Variants in ADGRD1 observed in about 807,000 individuals in gnomAD.
ADGRD1 encodes G-protein coupled receptor 133.
A neutral mutation model predicts 113.4 loss-of-function variants in ADGRD1; 77 were observed. That is an observed-to-expected ratio of 0.68 (90% CI 0.57 to 0.82). The LOEUF (loss-of-function observed/expected upper bound fraction) is 0.82, where lower values mean the gene tolerates loss of function less well. ADGRD1 is among the 40% of genes least tolerant of loss of function. ADGRD1 has a pLI of 0.00. For missense variants in ADGRD1, 1,036 were observed against 1,139.1 expected, an observed-to-expected ratio of 0.91 and a Z score of 1.30; for synonymous variants, 474 against 475.0, an observed-to-expected ratio of 1.00 and a Z score of 0.03.
intron 20 of ADGRD1, among the ~76,000 whole-genome samples, chr12:131,130,431 C>G (rs1229619923): frequency 1.3e-5 from 2 of 152,168 alleles, no homozygotes; most frequent in African/African-American, 4.8e-5. Flanking sequence ...GCGGCCCCAC[C>G]ACGCACCACT....
chr12:131,051,436 A>G (rs1210509813), intron 13 of ADGRD1, among the ~76,000 whole-genome samples: 1 of 151,998 alleles, frequency 6.6e-6, no homozygotes, highest in East Asian at 1.9e-4. Context: ...TCTGGAGGAG[A>G]AGATCCTTGA....
chr12:131,111,375 A>G (rs1950343884), intron 18 of ADGRD1, among the ~76,000 whole-genome samples: 1 of 151,994 alleles, frequency 6.6e-6, no homozygotes, highest in African/African-American at 2.4e-5. Context: ...TACAGGCGTG[A>G]GCCACCATGC....
At chr12:131,097,779 G>A (rs888259518) in intron 15 of ADGRD1, among the ~76,000 whole-genome samples, 1 of 152,240 alleles carries the variant, frequency 6.6e-6, no homozygotes. Context: ...GGGCGTCAAA[G>A]GTTGGGGAGC....
intron 3 of ADGRD1, chr12:130,970,765 G>A (rs1361397926): frequency 1.3e-5 from 2 of 152,428 alleles, no homozygotes; most frequent in African/African-American, 4.8e-5. Flanking sequence ...GACACAAGAT[G>A]ATTGGACGGG....
intron 13 of ADGRD1, among the ~76,000 whole-genome samples, chr12:131,042,900 C>T (rs1221924614): frequency 6.6e-6 from 1 of 152,268 alleles, no homozygotes; most frequent in Non-Finnish European, 1.5e-5. Flanking sequence ...CCTGCGGGCA[C>T]AGCTGGGCGC....
chr12:131,096,941 G>A lies in ADGRD1; in HGVS notation c.1672-7890G>A, dbSNP rs965990467. ...TGGGGCAGGTGATGGGAGGGGAGGA[G>A]GCCCAGCAGCTCTTCTCTCGCCCCT... On this transcript the variant is annotated intron_variant, in intron 15 of 24. Coordinates refer to ENST00000261654, the MANE Select transcript of ADGRD1 (RefSeq NM_198827.5). This position sits in a 1 kb window ranked among gnomAD's most constrained non-coding sequence, Gnocchi z 5.2. Among the ~76,000 whole-genome samples the A allele has an allele frequency of 6.6e-6, 1 of 152,090 alleles. No homozygotes were observed. Among genetic ancestry groups the A allele is most frequent in the Non-Finnish European group, 1.5e-5 (1 of 68,014 alleles).
intron 13 of ADGRD1, among the ~76,000 whole-genome samples, chr12:131,028,498 G>A (rs1170807262): frequency 1.3e-5 from 2 of 152,174 alleles, no homozygotes; most frequent in Non-Finnish European, 2.9e-5. Flanking sequence ...TTATGTCTTG[G>A]TGGAGGAATC....
Position 131,134,747 on chromosome 12 carries a change from G to A in ADGRD1, c.2268-1290G>A, listed in dbSNP as rs576244890. On this transcript the variant is annotated intron_variant, in intron 21 of 24. Coordinates refer to ENST00000261654, the MANE Select transcript of ADGRD1 (RefSeq NM_198827.5). ...GCCGCATCTCACCTCCTCCGGGGAGGTGCCAGATCTGTGTGCAGCACTGCT... is the reference window on the plus strand; with the variant it reads ...GCCGCATCTCACCTCCTCCGGGGAGATGCCAGATCTGTGTGCAGCACTGCT... Among the ~76,000 whole-genome samples, 126 of 152,342 alleles carry A rather than the reference G, an allele frequency of 8.3e-4. 1 individual carries two copies. Among genetic ancestry groups the A allele is most frequent in the African/African-American group, 2.9e-3 (119 of 41,574 alleles).
chr12:131,011,813 G>A (rs568207399), intron 12 of ADGRD1, among the ~76,000 whole-genome samples: 19 of 152,328 alleles, frequency 1.2e-4, no homozygotes, highest in African/African-American at 3.6e-4. Flanking sequence ...AAAAGGCCAC[G>A]AGCATCGGGG....
At chr12:131,087,999 G>A (rs1260792600) in intron 15 of ADGRD1, among the ~76,000 whole-genome samples, 2 of 152,122 alleles carry the variant, frequency 1.3e-5, no homozygotes, top group Non-Finnish European at 2.9e-5. Context: ...CTCCTCCCAC[G>A]GGCTCCGTTT....
chr12:131,076,723 C>A lies in ADGRD1; in HGVS notation c.1474-78C>A, dbSNP rs1180269014. ...CCTGAGGTCGCCCAGCTGTAAGGGT[C>A]TCGCTCTCACATCAGTGCTGAGAAC... On this transcript the variant is annotated intron_variant, in intron 13 of 24. Coordinates refer to ENST00000261654, the MANE Select transcript of ADGRD1 (RefSeq NM_198827.5). The A allele has an allele frequency of 3.2e-6, 4 of 1,244,876 alleles. No individual in the cohort carries two copies. In the South Asian group the frequency reaches 4.8e-5, roughly 15 times the overall value. The allele number at this position is 1,244,876 out of a possible 1,614,324, so 77.1% of individuals were successfully genotyped here.
At chr12:130,999,502 A>T (rs1876064168) in intron 8 of ADGRD1, among the ~76,000 whole-genome samples, 1 of 152,184 alleles carries the variant, frequency 6.6e-6, no homozygotes, top group Admixed American at 6.5e-5. Context: ...GTGCTCTAAG[A>T]ATTTAGTGTC....
intron 20 of ADGRD1, among the ~76,000 whole-genome samples, chr12:131,131,233 A>G (rs1194761370): frequency 6.6e-6 from 1 of 152,152 alleles, no homozygotes. Flanking sequence ...GCAGGAGATG[A>G]TGCCCCTCTG....
At chr12:130,983,919 A>C (rs1873318597) in intron 5 of ADGRD1, among the ~76,000 whole-genome samples, 2 of 152,236 alleles carry the variant, frequency 1.3e-5, no homozygotes, top group African/African-American at 4.8e-5. Context: ...ATCAACAGTC[A>C]AAGTCTGATG....
Position 130,954,739 on chromosome 12 carries a change from C to G in ADGRD1, c.103+79C>G. On this transcript the variant is annotated intron_variant, in intron 2 of 24. Transcript: ENST00000261654. The surrounding 1 kb of genome is among the most constrained non-coding windows in gnomAD (Gnocchi z 4.7). ...GTATCTCAGGAACAGCCCACTTGTTCATCTCTGAGGCATCAGCGAATGGCC... is the reference window on the plus strand; with the variant it reads ...GTATCTCAGGAACAGCCCACTTGTTGATCTCTGAGGCATCAGCGAATGGCC... 1 of 1,370,684 alleles carries G rather than the reference C, an allele frequency of 7.3e-7. No homozygotes were observed. Among genetic ancestry groups the G allele is most frequent in the Non-Finnish European group, 1.0e-6 (1 of 960,316 alleles). 84.9% of individuals were successfully genotyped at this position (1,370,684 alleles called of 1,614,324 possible).
At position 131,048,171 on chromosome 12, in the gene ADGRD1, G is replaced by A. The variant is rs565413625; in HGVS notation, c.1474-28630G>A. ...TCTCTGGCCCTGCCCCAGCACTGGGGCTTATGCACACAGTGTGCTGAGTGG... is the reference window on the plus strand; with the variant it reads ...TCTCTGGCCCTGCCCCAGCACTGGGACTTATGCACACAGTGTGCTGAGTGG... On this transcript the variant is annotated intron_variant, in intron 13 of 24. Coordinates refer to ENST00000261654, the MANE Select transcript of ADGRD1 (RefSeq NM_198827.5). 2.6e-5 allele frequency among the ~76,000 whole-genome samples: 4 copies of A among 152,350 alleles called. No homozygotes were observed. In the East Asian group the frequency reaches 7.7e-4, roughly 29 times the overall value.
At chr12:131,097,146 TG>T (rs1887345426) in intron 15 of ADGRD1, among the ~76,000 whole-genome samples, 1 of 152,158 alleles carries the variant, frequency 6.6e-6, no homozygotes, top group Non-Finnish European at 1.5e-5. Flanking sequence ...CTGAGTCAAA[TG>T]TTCCACTCTT....
chr12:131,124,616 A>G (rs1950698039), intron 20 of ADGRD1, among the ~76,000 whole-genome samples: 1 of 152,134 alleles, frequency 6.6e-6, no homozygotes, highest in South Asian at 2.1e-4. Flanking sequence ...GAGCCTAGCC[A>G]CTTCCAGTAA....
chr12:131,129,163 A>G (rs55699639), intron 20 of ADGRD1, among the ~76,000 whole-genome samples: 17,040 of 43,868 alleles, frequency 0.39, 1,962 homozygotes, highest in African/African-American at 0.44. Context: ...CTGCTGTCTG[A>G]GTGTGAGTGA....
Sources: gnomAD v4.1 joint callset for allele counts (sites outside exome capture counted in the v4.1 genomes callset) on GRCh38, gnomAD v4.1.1 for gene constraint, Gnocchi (gnomAD v3.1) non-coding constraint, MANE v1.5 for transcripts, NCBI Gene and HGNC (gene_info 2026-07-23, HGNC 2026-07-21) for gene names.